DLG2: variants seen among roughly 807,000 people sequenced by gnomAD.
DLG2 encodes the protein discs large MAGUK scaffold protein 2.
In DLG2, 45 loss-of-function variants were observed where a neutral mutation model predicts 132.5. The observed-to-expected ratio is 0.34, with a 90% CI of 0.27 to 0.44. DLG2 has a LOEUF of 0.44. Among genes scored for constraint, DLG2 ranks in the 20% least tolerant of loss-of-function variants. DLG2 has a pLI of 1.00. For missense variants in DLG2, 1,045 were observed against 1,196.9 expected (o/e 0.87, Z 1.87); for synonymous variants, 424 against 419.6 (o/e 1.01, Z -0.13).
At chr11:83,825,169 A>AT (rs2052279664) in intron 17 of DLG2, among the ~76,000 whole-genome samples, 8 of 91,212 alleles carry the variant, frequency 8.8e-5, no homozygotes, top group Non-Finnish European at 1.2e-4. Context: ...ATATATATAT[A>AT]TATTTTTTTT....
At chr11:85,231,936 C>G (rs2075323109) in intron 4 of DLG2, among the ~76,000 whole-genome samples, 1 of 151,814 alleles carries the variant, frequency 6.6e-6, no homozygotes, top group African/African-American at 2.4e-5. Context: ...AAATTTCACC[C>G]TGCACTCACG....
At chr11:84,297,019 A>G (rs1236943008) in intron 7 of DLG2, among the ~76,000 whole-genome samples, 7 of 152,026 alleles carry the variant, frequency 4.6e-5, no homozygotes, top group Non-Finnish European at 2.9e-5. Context: ...TGTGGTCAGT[A>G]TCTGGGGGCT....
chr11:84,513,951 G>T (rs1426481762), intron 7 of DLG2, among the ~76,000 whole-genome samples: 1 of 151,694 alleles, frequency 6.6e-6, no homozygotes, highest in East Asian at 1.9e-4. Context: ...TCTGACAAGG[G>T]ATTATAGCCA....
intron 3 of DLG2, among the ~76,000 whole-genome samples, chr11:85,324,522 T>C (rs116867021): frequency 0.079 from 12,004 of 152,226 alleles, 804 homozygotes; most frequent in Non-Finnish European, 0.11. Context: ...ACTGGTATTA[T>C]TAAACTTTCG....
intron 3 of DLG2, among the ~76,000 whole-genome samples, chr11:85,480,094 A>C (rs1438202038): frequency 2.8e-4 from 42 of 152,214 alleles, no homozygotes; most frequent in Non-Finnish European, 1.5e-5. Context: ...TTGGCAAATA[A>C]TTTTTCAGTC....
intron 6 of DLG2, among the ~76,000 whole-genome samples, chr11:85,035,705 A>T (rs1208972523): frequency 6.6e-6 from 1 of 152,222 alleles, no homozygotes; most frequent in Non-Finnish European, 1.5e-5. Flanking sequence ...AGTAATTTAC[A>T]TAGATTATCT....
At chr11:83,498,777 T>G (rs71465965) in intron 21 of DLG2, among the ~76,000 whole-genome samples, 49 of 123,042 alleles carry the variant, frequency 4.0e-4, no homozygotes, top group Middle Eastern at 4.5e-3. Context: ...GAAAAATCTT[T>G]TTTTTTTTTT....
At chr11:84,162,181 A>G (rs932967274) in intron 9 of DLG2, among the ~76,000 whole-genome samples, 2 of 152,174 alleles carry the variant, frequency 1.3e-5, no homozygotes, top group Non-Finnish European at 2.9e-5. Flanking sequence ...GTATGCGTTT[A>G]TCATAGAAGG....
intron 4 of DLG2, among the ~76,000 whole-genome samples, chr11:85,253,072 A>G (rs956050291): frequency 7.2e-5 from 11 of 152,290 alleles, no homozygotes; most frequent in Admixed American, 5.9e-4. Context: ...ATTACTTCCT[A>G]TCTCTGAGGA....
rs574941017 is a variant in DLG2 at position 84,881,477 on chromosome 11, C to T, written c.357+230184G>A. Among the ~76,000 whole-genome samples, 264 of 152,222 alleles carry T rather than the reference C, an allele frequency of 1.7e-3. 1 individual carries two copies. The highest frequency in any genetic ancestry group is 2.9e-3 in the Admixed American group (44 of 15,266). On this transcript the variant is annotated intron_variant, in intron 6 of 27. Transcript: ENST00000376104. ...AACATGTCTCAAAGGCAAAAGCCAC[C>T]TTAGTCAACCCAAAACTGGGGTGCC...
chr11:85,279,003 T>C (rs552972804), intron 4 of DLG2, among the ~76,000 whole-genome samples: 2 of 152,300 alleles, frequency 1.3e-5, no homozygotes, highest in Middle Eastern at 3.4e-3. Context: ...GGCCTATATA[T>C]GTGAGAGACT....
At chr11:84,123,682 G>C (rs2094029466) in intron 9 of DLG2, among the ~76,000 whole-genome samples, 1 of 152,174 alleles carries the variant, frequency 6.6e-6, no homozygotes, top group Non-Finnish European at 1.5e-5. Flanking sequence ...AAGCCTCAAA[G>C]ATATATTATT....
intron 3 of DLG2, among the ~76,000 whole-genome samples, chr11:85,541,074 A>G (rs774253701): frequency 3.9e-5 from 6 of 152,210 alleles, no homozygotes; most frequent in Non-Finnish European, 7.3e-5. Context: ...ATTCTTTAGT[A>G]TTTAAGCTCT....
chr11:84,639,294 T>C (rs928259939), intron 6 of DLG2, among the ~76,000 whole-genome samples: 2 of 152,018 alleles, frequency 1.3e-5, no homozygotes, highest in Non-Finnish European at 2.9e-5. Flanking sequence ...ATACTGAACA[T>C]ATTTTTCATG....
At chr11:85,080,716 T>A (rs1218961552) in intron 6 of DLG2, among the ~76,000 whole-genome samples, 1 of 152,118 alleles carries the variant, frequency 6.6e-6, no homozygotes, top group Non-Finnish European at 1.5e-5. Flanking sequence ...AAAGGGATAG[T>A]TAACAATATT....
intron 16 of DLG2, among the ~76,000 whole-genome samples, chr11:83,856,625 C>T (rs533811437): frequency 9.2e-5 from 14 of 152,238 alleles, no homozygotes; most frequent in Middle Eastern, 3.4e-3. Flanking sequence ...CTGGCCACAT[C>T]TATGTCATCT....
At chr11:84,867,165 A>G (rs1179392414) in intron 6 of DLG2, among the ~76,000 whole-genome samples, 1 of 152,224 alleles carries the variant, frequency 6.6e-6, no homozygotes, top group Non-Finnish European at 1.5e-5. Context: ...CCCTCAAGGG[A>G]GTCACAGTAG....
chr11:84,361,718 A>C (rs2098650836), intron 7 of DLG2, among the ~76,000 whole-genome samples: 1 of 152,048 alleles, frequency 6.6e-6, no homozygotes, highest in Admixed American at 6.6e-5. Context: ...TATTTAAAGC[A>C]AAAATGATAG....
intron 7 of DLG2, among the ~76,000 whole-genome samples, chr11:84,372,176 T>TG (rs1400302548): frequency 2.0e-5 from 3 of 152,348 alleles, no homozygotes; most frequent in East Asian, 3.9e-4. Context: ...TGTTTGGTAA[T>TG]GATGGAATCC....
Sources: gnomAD v4.1 joint callset for allele counts (sites outside exome capture counted in the v4.1 genomes callset) on GRCh38, gnomAD v4.1.1 for gene constraint, MANE v1.5 for transcripts, NCBI Gene and HGNC (gene_info 2026-07-23, HGNC 2026-07-21) for gene names.